Variants in ASTN1 observed in about 807,000 individuals in gnomAD.
ASTN1 encodes the protein astrotactin-1.
In ASTN1, 41 loss-of-function variants were observed where a neutral mutation model predicts 140.7. That is an observed-to-expected ratio of 0.29 (90% confidence interval 0.23 to 0.38). ASTN1 has a LOEUF of 0.38. ASTN1 is among the 10% of genes least tolerant of loss of function. The pLI, the probability that ASTN1 is intolerant of heterozygous loss-of-function variation, is 1.00. For synonymous variants in ASTN1, 640 were observed against 652.2 expected (o/e 0.98, Z 0.29); for missense variants, 1,479 against 1,678.8 (o/e 0.88, Z 2.08).
chr1:176,876,711 T>C (rs1439116432), intron 20 of ASTN1, 74 bp from the exon 21 acceptor site: 7 of 1,452,302 alleles, frequency 4.8e-6, no homozygotes, highest in Admixed American at 1.9e-5. Context: ...CCCTAGCTCA[T>C]GGCCCAGCTC....
intron 1 of ASTN1, among the ~76,000 whole-genome samples, chr1:177,156,138 C>T (rs923976430): frequency 3.2e-4 from 48 of 151,910 alleles, no homozygotes; most frequent in African/African-American, 1.0e-3. Flanking sequence ...GGTGTGGTGG[C>T]GGGCACCTGT....
intron 8 of ASTN1, among the ~76,000 whole-genome samples, chr1:176,983,115 G>A (rs1003211839): frequency 6.6e-6 from 1 of 152,188 alleles, no homozygotes; most frequent in African/African-American, 2.4e-5. Context: ...GTCCAGTCCA[G>A]GAAGGGGAGA....
intron 1 of ASTN1, among the ~76,000 whole-genome samples, chr1:177,063,239 A>G (rs1310177754): frequency 6.6e-6 from 1 of 152,202 alleles, no homozygotes; most frequent in Non-Finnish European, 1.5e-5. Context: ...ACCATCCCAC[A>G]GATGAGGGAT....
At chr1:176,927,921 A>G (rs1311800998) in intron 16 of ASTN1, among the ~76,000 whole-genome samples, 1 of 152,154 alleles carries the variant, frequency 6.6e-6, no homozygotes, top group Non-Finnish European at 1.5e-5. Context: ...TTTTCAGTCC[A>G]AAAAATAAAA....
At chr1:176,954,011 T>C (rs112763791) in intron 11 of ASTN1, among the ~76,000 whole-genome samples, 313 of 152,262 alleles carry the variant, frequency 2.1e-3, no homozygotes, top group African/African-American at 7.1e-3. Context: ...CCTCAATAGA[T>C]AGACTTGATA....
In ASTN1 at chr1:177,133,052, G is replaced by A. The variant is rs573045298; in HGVS notation, c.283+31342C>T. 2.0e-5 allele frequency among the ~76,000 whole-genome samples: 3 copies of A among 152,292 alleles called. No individual in the cohort carries two copies. In the South Asian group the frequency reaches 6.2e-4, roughly 32 times the overall value. On this transcript the variant is annotated intron_variant, in intron 1 of 22. Transcript: ENST00000361833. The stretch of plus-strand genomic sequence containing the variant: ...TATAATTTTAAAGATAGCCTTTAAA[G>A]TAGCTCTAATATTTCGACATAATAT...
At chr1:177,140,475 G>A (rs959105493) in intron 1 of ASTN1, among the ~76,000 whole-genome samples, 2 of 152,104 alleles carry the variant, frequency 1.3e-5, no homozygotes, top group African/African-American at 4.8e-5. Flanking sequence ...TGGGAAACAA[G>A]GCTAACTTCC....
intron 2 of ASTN1, among the ~76,000 whole-genome samples, chr1:177,056,566 T>C (rs1382137854): frequency 1.4e-5 from 2 of 143,988 alleles, no homozygotes; most frequent in Non-Finnish European, 3.0e-5. Flanking sequence ...AAATTTCATA[T>C]ATATATATAT....
chr1:177,075,709 C>A (rs1678869144), intron 1 of ASTN1, among the ~76,000 whole-genome samples: 1 of 138,424 alleles, frequency 7.2e-6, no homozygotes, highest in African/African-American at 2.8e-5. Context: ...TGCAGTGGTG[C>A]ATTCATAGCT....
chr1:176,969,989 A>C (rs1373921989), intron 8 of ASTN1, among the ~76,000 whole-genome samples: 1 of 152,260 alleles, frequency 6.6e-6, no homozygotes, highest in Admixed American at 6.5e-5. Flanking sequence ...ACGGATGCAC[A>C]GCAGCCAGCA....
intron 1 of ASTN1, among the ~76,000 whole-genome samples, chr1:177,160,856 G>A (rs959032726): frequency 5.9e-5 from 9 of 152,166 alleles, no homozygotes; most frequent in African/African-American, 1.4e-4. Flanking sequence ...GAAAGCAGGG[G>A]TTTAGGTTTA....
chr1:176,925,485 G>A (rs543062464), intron 16 of ASTN1, among the ~76,000 whole-genome samples: 3 of 152,192 alleles, frequency 2.0e-5, no homozygotes, highest in African/African-American at 2.4e-5. Context: ...ATACATATGC[G>A]TATTACATTT....
At chr1:177,122,767 A>G (rs1325254089) in intron 1 of ASTN1, among the ~76,000 whole-genome samples, 1 of 152,214 alleles carries the variant, frequency 6.6e-6, no homozygotes, top group Non-Finnish European at 1.5e-5. Context: ...GGTGACAGGA[A>G]TTATCCTCCT....
chr1:177,072,828 C>T (rs1466342302), intron 1 of ASTN1, among the ~76,000 whole-genome samples: 1 of 152,182 alleles, frequency 6.6e-6, no homozygotes, highest in Admixed American at 6.5e-5. Context: ...CCTACGTGTG[C>T]TGGTCACTGT....
At chr1:176,896,655 C>T (rs1215497896) in intron 16 of ASTN1, among the ~76,000 whole-genome samples, 2 of 152,290 alleles carry the variant, frequency 1.3e-5, no homozygotes, top group Non-Finnish European at 2.9e-5. Context: ...TAAATGGGCT[C>T]ATATTACATA....
intron 14 of ASTN1, among the ~76,000 whole-genome samples, chr1:176,938,955 A>AAAAAAAC (rs1466727344): frequency 2.0e-5 from 3 of 151,958 alleles, no homozygotes; most frequent in African/African-American, 4.8e-5. Flanking sequence ...CTTTACTTAA[A>AAAAAAAC]AAAAAACAAA....
In ASTN1 at chr1:177,032,694, G is replaced by T. The variant is rs757444447; in HGVS notation, c.627C>A (p.Ile209=). The change falls in exon 3 of 23, where the codon ATC becomes ATA. Residue 209 remains isoleucine (I), a synonymous_variant. Coordinates refer to ENST00000361833, the MANE Select transcript of ASTN1 (RefSeq NM_004319.3). ...GCAGGCTCTCCCGTCCGTGCCCGCCGATCAGCACAGAAGGAATGTAGTGAA... is the reference window on the plus strand; with the variant it reads ...GCAGGCTCTCCCGTCCGTGCCCGCCTATCAGCACAGAAGGAATGTAGTGAA... ...NEIHYIPSVL[I]GGHGRESLRN... 9 of 1,613,970 alleles carry T rather than the reference G, an allele frequency of 5.6e-6. No individual in the cohort carries two copies. Among genetic ancestry groups the T allele is most frequent in the Non-Finnish European group, 7.6e-6 (9 of 1,180,036 alleles).
At chr1:177,026,436 T>A (rs1676114533) in intron 5 of ASTN1, among the ~76,000 whole-genome samples, 1 of 152,150 alleles carries the variant, frequency 6.6e-6, no homozygotes, top group Non-Finnish European at 1.5e-5. Flanking sequence ...AACTCCATTA[T>A]ATCCAACTCT....
intron 8 of ASTN1, among the ~76,000 whole-genome samples, chr1:176,980,902 A>G: frequency 6.6e-6 from 1 of 152,134 alleles, no homozygotes; most frequent in African/African-American, 2.4e-5. Context: ...ATTATGCGCC[A>G]GATACCACAG....
Sources: allele counts gnomAD v4.1 joint callset (sites outside exome capture counted in the v4.1 genomes callset), GRCh38; gene constraint gnomAD v4.1.1; transcripts MANE v1.5; gene names NCBI Gene and HGNC (gene_info 2026-07-23, HGNC 2026-07-21).